Variants in CYP4X1 observed in about 807,000 individuals in gnomAD.
CYP4X1 encodes the protein cytochrome P450 4X1.
A neutral mutation model predicts 57.9 loss-of-function variants in CYP4X1; 44 were observed. The ratio of observed to expected loss-of-function variants is 0.76; its 90% CI spans 0.60 to 0.98. CYP4X1 has a LOEUF of 0.98. CYP4X1 is among the 50% of genes least tolerant of loss of function. The probability of loss-of-function intolerance (pLI) is 0.00; values close to 1 mark genes in which losing one functional copy is unlikely to be tolerated. For missense variants in CYP4X1, 532 were observed against 623.9 expected (o/e 0.85, Z 1.57); for synonymous variants, 227 against 228.6 (o/e 0.99, Z 0.06).
At chr1:47,032,358 T>C (rs1307274458) in intron 3 of CYP4X1, among the ~76,000 whole-genome samples, 2 of 152,166 alleles carry the variant, frequency 1.3e-5, no homozygotes, top group African/African-American at 4.8e-5. Context: ...AATATGATCT[T>C]GGGGAAGTCA....
the CYP4X1 span, among the ~76,000 whole-genome samples, chr1:46,968,656 C>T: frequency 2.6e-5 from 4 of 151,442 alleles, no homozygotes; most frequent in Non-Finnish European, 5.9e-5. Context: ...TAGGATAGCA[C>T]CATGAACACT....
At chr1:46,999,711 A>G in the CYP4X1 span, among the ~76,000 whole-genome samples, 1 of 150,526 alleles carries the variant, frequency 6.6e-6, no homozygotes, top group African/African-American at 2.4e-5. Flanking sequence ...GCTGAATACT[A>G]TGAATACATT....
At chr1:47,053,525 C>G (rs940809174), downstream of CYP4X1, among the ~76,000 whole-genome samples, 15 of 152,274 alleles carry the variant, frequency 9.9e-5, no homozygotes, top group Middle Eastern at 3.4e-3. Flanking sequence ...CTAGTTTACC[C>G]TCCCACCAAC....
chr1:47,048,542 CTT>C, intron 9 of CYP4X1, 21 bp from the exon 10 acceptor site: 1 of 1,613,880 alleles, frequency 6.2e-7, no homozygotes, highest in Non-Finnish European at 8.5e-7. Context: ...CCTGCAGTCT[CTT>C]TTATTTCCCT....
chr1:47,016,113 G>A, the CYP4X1 span, among the ~76,000 whole-genome samples: 1 of 151,810 alleles, frequency 6.6e-6, no homozygotes, highest in Non-Finnish European at 1.5e-5. Flanking sequence ...TCACCCTGCT[G>A]TTTCTTAAAA....
upstream of CYP4X1, among the ~76,000 whole-genome samples, chr1:47,021,274 T>TTC (rs1427016003): frequency 6.6e-6 from 1 of 152,080 alleles, no homozygotes; most frequent in Non-Finnish European, 1.5e-5. Context: ...CTAAATTCCT[T>TTC]TCTCTCCCAT....
chr1:47,028,637 T>C (rs1361331332), intron 1 of CYP4X1, among the ~76,000 whole-genome samples: 1 of 152,258 alleles, frequency 6.6e-6, no homozygotes, highest in East Asian at 1.9e-4. Flanking sequence ...TCTGTCCTTT[T>C]TGTCTAGTCA....
the CYP4X1 span, among the ~76,000 whole-genome samples, chr1:46,967,069 A>G: frequency 6.6e-6 from 1 of 152,226 alleles, no homozygotes; most frequent in Non-Finnish European, 1.5e-5. Flanking sequence ...GCTATTCCAG[A>G]TGTTGTGAAG....
At chr1:46,966,276 T>C in the CYP4X1 span, among the ~76,000 whole-genome samples, 1 of 152,080 alleles carries the variant, frequency 6.6e-6, no homozygotes, top group African/African-American at 2.4e-5. Context: ...ATATGTATGG[T>C]TGGATTTTCT....
At chr1:47,027,120 A>G (rs1644075900) in intron 1 of CYP4X1, among the ~76,000 whole-genome samples, 1 of 150,362 alleles carries the variant, frequency 6.7e-6, no homozygotes, top group South Asian at 2.1e-4. Flanking sequence ...ATTTCAGACT[A>G]TTTATTGCAT....
upstream of CYP4X1, among the ~76,000 whole-genome samples, chr1:47,022,281 G>GCCTTT (rs1185250751): frequency 4.7e-5 from 6 of 128,484 alleles, no homozygotes; most frequent in African/African-American, 9.0e-5. Context: ...CCTGGGGCCT[G>GCCTTT]TCTTTTTTTT....
At chr1:47,048,276 G>A (rs1644323976) in intron 9 of CYP4X1, among the ~76,000 whole-genome samples, 3 of 152,140 alleles carry the variant, frequency 2.0e-5, no homozygotes, top group Non-Finnish European at 4.4e-5. Flanking sequence ...AAATATTTAA[G>A]TAATTTCCAA....
chr1:46,974,831 T>C, the CYP4X1 span, among the ~76,000 whole-genome samples: 1 of 152,280 alleles, frequency 6.6e-6, no homozygotes, highest in East Asian at 1.9e-4. Context: ...TGTCCTTGCA[T>C]GTGAGATGGG....
rs141671641 is a variant in CYP4X1 at position 47,034,610 on chromosome 1, C to T, written c.493-1196C>T. On this transcript the variant is annotated intron_variant, in intron 4 of 11. Transcript: ENST00000371901. ...CAAACTCACAGAAGCAGTTTGAACC[C>T]GAAGTCAGCCAGGACTGTGGTAAAA... Among the ~76,000 whole-genome samples, 6 of 152,184 alleles carry T rather than the reference C, an allele frequency of 3.9e-5. No individual in the cohort carries two copies. In the East Asian group the frequency reaches 7.7e-4, roughly 20 times the overall value.
chr1:46,982,035 A>G, the CYP4X1 span, among the ~76,000 whole-genome samples: 1 of 152,210 alleles, frequency 6.6e-6, no homozygotes, highest in Non-Finnish European at 1.5e-5. Flanking sequence ...AATGTAAATG[A>G]CAAGTTACTG....
At chr1:47,051,518 T>C (rs1003384017), downstream of CYP4X1, among the ~76,000 whole-genome samples, 2 of 152,178 alleles carry the variant, frequency 1.3e-5, no homozygotes, top group African/African-American at 4.8e-5. Flanking sequence ...TATAATCTCA[T>C]TAATTGCAGC....
Position 47,039,379 on chromosome 1 carries a change from A to C in CYP4X1, c.920A>C (p.His307Pro). The C allele has an allele frequency of 6.2e-7, 1 of 1,612,098 alleles. No individual in the cohort carries two copies. The highest frequency in any genetic ancestry group is 8.5e-7 in the Non-Finnish European group (1 of 1,179,210). Reference protein sequence around the residue: ...SGSSFSDIDVHSEVSTFLLAG... With the variant: ...SGSSFSDIDVPSEVSTFLLAG... The stretch of plus-strand genomic sequence containing the variant: ...AGCAGCTTCTCAGATATTGATGTAC[A>C]CTCTGAAGTGAGCACATTCCTGTTG... Residue 307 changes from histidine (H) to proline (P), a missense_variant, in exon 8 of 12, where the codon CAC (histidine) becomes CCC (proline). Transcript: ENST00000371901.
At position 47,050,474 on chromosome 1, in the gene CYP4X1, T is replaced by G; in HGVS notation, c.*300T>G. On this transcript the variant is annotated 3_prime_UTR_variant, in exon 12 of 12. Coordinates refer to ENST00000371901, the MANE Select transcript of CYP4X1 (RefSeq NM_178033.2). ...GTTTTTAAAATAGTTTTCAGAATTA[T>G]GCAAGTAATAAGTGCATGTATGCTC... is the stretch of plus-strand genomic sequence containing the variant. The G allele has an allele frequency of 4.7e-6, 1 of 212,746 alleles. No homozygotes were observed. The highest frequency in any genetic ancestry group is 1.9e-3 in the Middle Eastern group (1 of 522). The allele number at this position is 212,746 out of a possible 1,614,324, so 13.2% of individuals were successfully genotyped here. A position where few individuals can be genotyped will look rare whatever the true frequency, so the allele number is the denominator to read the frequency against.
Position 47,036,034 on chromosome 1 carries a change from C to T in CYP4X1, c.638C>T (p.Ala213Val), listed in dbSNP as rs74703720. 7 of 1,612,896 alleles carry T rather than the reference C, an allele frequency of 4.3e-6. No homozygotes were observed. Among genetic ancestry groups the T allele is most frequent in the Non-Finnish European group, 5.9e-6 (7 of 1,179,230 alleles). Residue 213 changes from alanine (A) to valine (V), a missense_variant, in exon 6 of 12, where the codon GCA becomes GTA. By Grantham distance (64) the Ala-to-Val change is moderately conservative. Transcript: ENST00000371901. ...TCTTCTAGCACCCATGATCCTTATG[C>T]AAAAGCCATATTTGAACTCAGCAAA... ...CQTNSTHDPY[A>V]KAIFELSKII...
Sources: gnomAD v4.1 joint callset for allele counts (sites outside exome capture counted in the v4.1 genomes callset) on GRCh38, gnomAD v4.1.1 for gene constraint, MANE v1.5 for transcripts, NCBI Gene and HGNC (gene_info 2026-07-23, HGNC 2026-07-21) for gene names.